Variants in ACVR1B observed in about 807,000 individuals in gnomAD.
ACVR1B encodes activin receptor type-1B.
In ACVR1B, 15 loss-of-function variants were observed where a neutral mutation model predicts 55.6. The observed-to-expected ratio is 0.27, with a 90% confidence interval of 0.18 to 0.42. ACVR1B has a LOEUF of 0.42. Among genes scored for constraint, ACVR1B ranks in the 10% least tolerant of loss-of-function variants. ACVR1B has a pLI of 1.00. For synonymous variants in ACVR1B, 247 were observed against 254.6 expected (o/e 0.97, Z 0.28); for missense variants, 359 against 670.1 (o/e 0.54, Z 5.13).
chr12:51,956,586 C>T (rs1941412994), intron 1 of ACVR1B, among the ~76,000 whole-genome samples: 1 of 151,910 alleles, frequency 6.6e-6, no homozygotes, highest in South Asian at 2.1e-4. Flanking sequence ...ATTGTTTTAT[C>T]TGTAAAATGG....
intron 1 of ACVR1B, among the ~76,000 whole-genome samples, chr12:51,958,728 C>T (rs780898571): frequency 2.0e-5 from 3 of 152,168 alleles, no homozygotes; most frequent in South Asian, 2.1e-4. Flanking sequence ...CTAGATGCCT[C>T]GCATGCGCGG....
chr12:51,982,190 A>G (rs796120140), intron 4 of ACVR1B, among the ~76,000 whole-genome samples: 1 of 152,204 alleles, frequency 6.6e-6, no homozygotes, highest in South Asian at 2.1e-4. Flanking sequence ...AGGTGGCAAG[A>G]ACTGGTCAGG....
intron 1 of ACVR1B, among the ~76,000 whole-genome samples, chr12:51,955,296 T>C (rs1941386797): frequency 6.6e-6 from 1 of 152,230 alleles, no homozygotes; most frequent in Non-Finnish European, 1.5e-5. Flanking sequence ...CCTTTTTAGA[T>C]GATTATGTCT....
chr12:51,987,336 G>T, intron 7 of ACVR1B: 1 of 515,358 alleles, frequency 1.9e-6, no homozygotes, highest in South Asian at 3.4e-5. Context: ...AAACCCTGCT[G>T]TTTCATTGTT....
In ACVR1B at chr12:51,976,377, G is replaced by A. The variant is rs761810456; in HGVS notation, c.382G>A (p.Val128Ile). 1.2e-6 allele frequency: 2 copies of A among 1,614,176 alleles called. No homozygotes were observed. The highest frequency in any genetic ancestry group is 2.2e-5 in the South Asian group (2 of 91,082). The change falls in exon 3 of 9, where the codon GTA (valine) becomes ATA (isoleucine). Residue 128 changes from valine to isoleucine, a missense_variant. By Grantham distance (29) the Val-to-Ile change is conservative. This residue lies in a region of ACVR1B where 133 missense variants were observed against 188.2 expected (regional missense o/e 0.71). Transcript: ENST00000257963. ...HPSMWGPVELVGIIAGPVFLL... is the reference protein window; with the variant it reads ...HPSMWGPVELIGIIAGPVFLL... ...GTCCATGTGGGGCCCGGTGGAGCTGGTAGGCATCATCGCCGGCCCGGTGTT... is the reference window on the plus strand; with the variant it reads ...GTCCATGTGGGGCCCGGTGGAGCTGATAGGCATCATCGCCGGCCCGGTGTT...
At chr12:51,977,212 C>T (rs1941876033) in intron 3 of ACVR1B, among the ~76,000 whole-genome samples, 1 of 152,230 alleles carries the variant, frequency 6.6e-6, no homozygotes, top group Non-Finnish European at 1.5e-5. Flanking sequence ...GATAAAGGAG[C>T]TCGGGGTTGT....
At chr12:51,966,117 G>C (rs1204371877) in intron 1 of ACVR1B, among the ~76,000 whole-genome samples, 2 of 152,176 alleles carry the variant, frequency 1.3e-5, no homozygotes, top group Non-Finnish European at 2.9e-5. Context: ...GAGACAACTG[G>C]AAGTTCTGTG....
Position 51,983,980 on chromosome 12 carries a change from C to T in ACVR1B, c.812-19C>T, listed in dbSNP as rs763622583. Reference sequence around the variant, plus strand: ...TGATAGTTACACTTTTTCTGGGACTCATCTGTGGTTCTCTGCAGATAATGG... The same window carrying T: ...TGATAGTTACACTTTTTCTGGGACTTATCTGTGGTTCTCTGCAGATAATGG... On this transcript the variant is annotated intron_variant, in intron 4 of 8. Transcript: ENST00000257963. The T allele has an allele frequency of 1.9e-6, 3 of 1,613,872 alleles. No individual in the cohort carries two copies. The highest frequency in any genetic ancestry group is 2.5e-6 in the Non-Finnish European group (3 of 1,179,900).
intron 4 of ACVR1B, chr12:51,982,704 C>T (rs1380935714): frequency 6.5e-7 from 1 of 1,532,080 alleles, no homozygotes; most frequent in East Asian, 2.5e-5. Flanking sequence ...TCATTCCTCA[C>T]ATTGCCATGG....
intron 1 of ACVR1B, among the ~76,000 whole-genome samples, chr12:51,962,899 C>T (rs1941563050): frequency 6.6e-6 from 1 of 152,168 alleles, no homozygotes; most frequent in African/African-American, 2.4e-5. Context: ...GAGCACAGTG[C>T]TATTTGCCAG....
In ACVR1B at chr12:51,953,991, G is replaced by A. The variant is rs548699790; in HGVS notation, c.91+2157G>A. On this transcript the variant is annotated intron_variant, in intron 1 of 8. Transcript: ENST00000257963. ...GACACTACAGTTTTTTCCAGGACACGTCTAGTTGCCAATAGTGTATGCTAT... is the reference window on the plus strand; with the variant it reads ...GACACTACAGTTTTTTCCAGGACACATCTAGTTGCCAATAGTGTATGCTAT... 9.2e-5 allele frequency among the ~76,000 whole-genome samples: 14 copies of A among 152,312 alleles called. No homozygotes were observed. The South Asian group carries it at 2.9e-3, about 32-fold the overall frequency.
intron 6 of ACVR1B, 59 bp from the exon 7 acceptor site, chr12:51,986,759 G>T: frequency 6.4e-7 from 1 of 1,558,730 alleles, no homozygotes; most frequent in South Asian, 1.2e-5. Flanking sequence ...TCAATACTTT[G>T]ATTTAAAGAG....
intron 7 of ACVR1B, among the ~76,000 whole-genome samples, chr12:51,988,930 C>T (rs1255209497): frequency 6.6e-6 from 1 of 152,080 alleles, no homozygotes; most frequent in Non-Finnish European, 1.5e-5. Flanking sequence ...CCAGCTTGGG[C>T]TACATGGTGA....
chr12:51,989,668 G>A (rs753398297), intron 7 of ACVR1B, among the ~76,000 whole-genome samples: 2 of 152,160 alleles, frequency 1.3e-5, no homozygotes, highest in Non-Finnish European at 2.9e-5. Flanking sequence ...TTAAAAAAAT[G>A]CAGTGCTATT....
intron 5 of ACVR1B, 24 bp from the exon 6 acceptor site, chr12:51,985,168 G>T (rs750008247): frequency 1.3e-5 from 20 of 1,596,234 alleles, no homozygotes; most frequent in Admixed American, 1.7e-5. Flanking sequence ...TCTTTGTAAA[G>T]ATCCCTGTTT....
chr12:51,984,189 G>A (rs551378569), intron 5 of ACVR1B, 23 bp downstream of exon 5: 9 of 1,613,512 alleles, frequency 5.6e-6, no homozygotes, highest in South Asian at 4.4e-5. Context: ...GCGCAGGAGC[G>A]GCGAAGTGGT....
chr12:51,965,837 A>C (rs1209396295), intron 1 of ACVR1B, among the ~76,000 whole-genome samples: 3 of 152,242 alleles, frequency 2.0e-5, no homozygotes, highest in Non-Finnish European at 4.4e-5. Context: ...ACGCAGTCTT[A>C]GAACTACTTA....
At chr12:51,992,087 C>A in intron 8 of ACVR1B, 94 bp downstream of exon 8, 2 of 1,510,608 alleles carry the variant, frequency 1.3e-6, no homozygotes, top group East Asian at 2.3e-5. Flanking sequence ...CCAGAGGAGC[C>A]CCCTGAGAGT....
chr12:51,969,497 A>G (rs1049955755), intron 1 of ACVR1B, among the ~76,000 whole-genome samples: 1 of 152,222 alleles, frequency 6.6e-6, no homozygotes, highest in Non-Finnish European at 1.5e-5. Context: ...GAGACCTATA[A>G]TAAAAGTGGG....
Sources: allele counts gnomAD v4.1 joint callset (sites outside exome capture counted in the v4.1 genomes callset), GRCh38; gene constraint gnomAD v4.1.1; regional missense constraint gnomAD v4.1.1; transcripts MANE v1.5; gene names NCBI Gene and HGNC (gene_info 2026-07-23, HGNC 2026-07-21).